Variants in ELFN2 observed in about 807,000 individuals in gnomAD.
The protein encoded by ELFN2 is extracellular leucine rich repeat and fibronectin type III domain containing 2, also known as protein phosphatase 1 regulatory subunit 29.
A neutral mutation model predicts 45.5 loss-of-function variants in ELFN2; 17 were observed. The observed-to-expected ratio is 0.37, with a 90% confidence interval of 0.26 to 0.56. The LOEUF (loss-of-function observed/expected upper bound fraction) is 0.56. Among genes scored for constraint, ELFN2 ranks in the 20% least tolerant of loss-of-function variants. The pLI is 0.77. For synonymous variants in ELFN2, 550 were observed against 551.5 expected (o/e 1.00, Z 0.04); for missense variants, 922 against 1,183.2 (o/e 0.78, Z 3.24).
exon 2 of ELFN2, chr22:37,342,604 G>A (rs993398561): frequency 1.6e-5 from 2 of 123,432 alleles, no homozygotes; most frequent in African/African-American, 7.3e-5. Flanking sequence ...TTTCCACCTT[G>A]TTCTTCTGGA....
chr22:37,404,695 C>G (rs959163173), intron 2 of ELFN2, among the ~76,000 whole-genome samples: 2 of 152,098 alleles, frequency 1.3e-5, no homozygotes, highest in Non-Finnish European at 1.5e-5. Flanking sequence ...CCGACAGCAG[C>G]GGCTGACACC....
In ELFN2 at chr22:37,417,615, AG is replaced by A. The variant is rs1230758510; in HGVS notation, c.-463+153del. Among the ~76,000 whole-genome samples, 1 of 151,126 alleles carries A rather than the reference AG, an allele frequency of 6.6e-6. No individual in the cohort carries two copies. Among genetic ancestry groups the A allele is most frequent in the East Asian group, 2.0e-4 (1 of 5,058 alleles). ...CCCTGTGGAAGGAAAGCTGGGTGGG[AG>A]GGGTGCCCACGGCTGGGGGCAGGGG... is the stretch of plus-strand genomic sequence containing the variant. On this transcript the variant is annotated intron_variant, in intron 2 of 2. Coordinates refer to ENST00000402918, the MANE Select transcript of ELFN2 (RefSeq NM_052906.5). This position sits in a 1 kb window ranked among gnomAD's most constrained non-coding sequence, Gnocchi z 4.5.
Position 37,373,272 on chromosome 22 carries a change from A to G in ELFN2, c.2263T>C (p.Tyr755His). 1 of 1,613,706 alleles carries G rather than the reference A, an allele frequency of 6.2e-7. No homozygotes were observed. Among genetic ancestry groups the G allele is most frequent in the Non-Finnish European group, 8.5e-7 (1 of 1,179,950 alleles). ...QLSPRHYYSG[Y>H]SSSPEYSSES... The stretch of plus-strand genomic sequence containing the variant: ...GATGAGTACTCGGGGCTGGAGGAGT[A>G]CCCTGAGTAGTAGTGTCTGGGGGAG... Residue 755 changes from tyrosine (Y) to histidine (H), a missense_variant, in exon 3 of 3, where the codon TAC becomes CAC. By Grantham distance (83) the Tyr-to-His change is moderately conservative. Around this residue, in one of 2 missense-constraint regions of ELFN2, gnomAD observed 564 missense variants for 642.8 expected, o/e 0.88. Transcript: ENST00000402918.
In ELFN2 at chr22:37,352,901, C is replaced by G. The variant is rs572007709; in HGVS notation, n.149-10198G>C. On this transcript the variant is annotated intron_variant and non_coding_transcript_variant, in intron 1 of 2. Transcript: ENST00000452946. ...CTACTTCTGGCTGCTGGGCACAGGT[C>G]GGGGTGGAGGATGGCCAGAGCTGAA... 6.6e-5 allele frequency among the ~76,000 whole-genome samples: 10 copies of G among 150,940 alleles called. 1 individual carries two copies. Among genetic ancestry groups the G allele is most frequent in the Middle Eastern group, 3.4e-3 (1 of 294 alleles).
intron 2 of ELFN2, among the ~76,000 whole-genome samples, chr22:37,380,114 A>G (rs1471864064): frequency 6.6e-6 from 1 of 152,156 alleles, no homozygotes; most frequent in African/African-American, 2.4e-5. Flanking sequence ...CTGACTCCCA[A>G]GCTTCCCTGT....
intron 2 of ELFN2, among the ~76,000 whole-genome samples, chr22:37,412,961 T>G (rs973013289): frequency 6.6e-6 from 1 of 152,120 alleles, no homozygotes; most frequent in Admixed American, 6.5e-5. Flanking sequence ...CTTGACACAG[T>G]GTGGGCGGGG....
chr22:37,402,547 A>T (rs1932389268), intron 2 of ELFN2, among the ~76,000 whole-genome samples: 1 of 152,152 alleles, frequency 6.6e-6, no homozygotes, highest in African/African-American at 2.4e-5. Flanking sequence ...GCTGACCGAT[A>T]AGGAAACCGA....
chr22:37,394,591 C>A lies in ELFN2; in HGVS notation c.-462-18595G>T, dbSNP rs568454066. On this transcript the variant is annotated intron_variant, in intron 2 of 2. Transcript: ENST00000402918. Reference sequence around the variant, plus strand: ...GTGGCCAGCACCGTGAGTCCTCCCCCGCAGCTCCCGCCCCGGCACACAGTA... The same window carrying A: ...GTGGCCAGCACCGTGAGTCCTCCCCAGCAGCTCCCGCCCCGGCACACAGTA... Among the ~76,000 whole-genome samples the A allele has an allele frequency of 2.0e-5, 3 of 152,230 alleles. No individual in the cohort carries two copies. The East Asian group carries it at 5.8e-4, about 29-fold the overall frequency.
In ELFN2 at chr22:37,403,452, C is replaced by CA. The variant is rs774059652; in HGVS notation, c.-463+14316_-463+14317insT. Among the ~76,000 whole-genome samples the CA allele has an allele frequency of 1.4e-3, 211 of 152,252 alleles. 5 individuals carry two copies. The highest frequency in any genetic ancestry group is 1.1e-3 in the Non-Finnish European group (75 of 68,022). ...GGGATGGGCCGAGAGAAGACTGGAT[C>CA]CTGGTCTGGGTCCCGGTTGCCTGGG... On this transcript the variant is annotated intron_variant, in intron 2 of 2. Transcript: ENST00000402918.
In ELFN2 at chr22:37,375,424, G is replaced by A; in HGVS notation, c.111C>T (p.Ala37=). 1.1e-5 allele frequency: 17 copies of A among 1,614,044 alleles called. No homozygotes were observed. Among genetic ancestry groups the A allele is most frequent in the Non-Finnish European group, 1.4e-5 (17 of 1,179,984 alleles). ...IEGDKGYVWL[A]ICSQNQPPYE... ...AGGGCGGCTGGTTCTGGCTGCAGATGGCCAGCCACACGTAGCCCTTGTCGC... is the reference window on the plus strand; with the variant it reads ...AGGGCGGCTGGTTCTGGCTGCAGATAGCCAGCCACACGTAGCCCTTGTCGC... The change falls in exon 3 of 3, where the codon GCC becomes GCT. Residue 37 remains alanine (A), a synonymous_variant. Coordinates refer to ENST00000402918, the MANE Select transcript of ELFN2 (RefSeq NM_052906.5).
chr22:37,349,201 G>C (rs749037476), intron 1 of ELFN2, among the ~76,000 whole-genome samples: 1 of 151,186 alleles, frequency 6.6e-6, no homozygotes, highest in Non-Finnish European at 1.5e-5. Context: ...TCCCAGCCCC[G>C]CCACTTAGCT....
intron 1 of ELFN2, among the ~76,000 whole-genome samples, chr22:37,421,247 A>G (rs1489298459): frequency 6.6e-6 from 1 of 152,180 alleles, no homozygotes; most frequent in East Asian, 1.9e-4. Context: ...CGGTCACTCC[A>G]TATGGCATGC....
rs753670631 is a variant in ELFN2 at position 37,373,576 on chromosome 22, G to A, written c.1959C>T (p.Ala653=). The change falls in exon 3 of 3, where the codon GCC becomes GCT. Residue 653 remains alanine, a synonymous_variant. Coordinates refer to ENST00000402918, the MANE Select transcript of ELFN2 (RefSeq NM_052906.5). ...FSLDVPDHPA[A]TGLAKGDSKY... The stretch of plus-strand genomic sequence containing the variant: ...TGGAGTCGCCCTTAGCCAGCCCTGT[G>A]GCGGCCGGATGGTCGGGCACGTCCA... 1.2e-6 allele frequency: 2 copies of A among 1,605,452 alleles called. No individual in the cohort carries two copies. Among genetic ancestry groups the A allele is most frequent in the East Asian group, 4.5e-5 (2 of 44,590 alleles).
intron 2 of ELFN2, among the ~76,000 whole-genome samples, chr22:37,402,256 T>A (rs1421713710): frequency 1.3e-5 from 2 of 152,192 alleles, no homozygotes; most frequent in African/African-American, 4.8e-5. Context: ...GGTTAATCCA[T>A]TTGTAGAGTT....
At chr22:37,385,712 C>T (rs1931929675) in intron 2 of ELFN2, among the ~76,000 whole-genome samples, 1 of 152,154 alleles carries the variant, frequency 6.6e-6, no homozygotes, top group Non-Finnish European at 1.5e-5. Context: ...CAGCCTGGGA[C>T]CCAAGGGTGC....
Position 37,374,848 on chromosome 22 carries a change from G to A in ELFN2, c.687C>T (p.Pro229=). The change falls in exon 3 of 3, where the codon CCC becomes CCT. Residue 229 remains proline, a synonymous_variant. Coordinates refer to ENST00000402918, the MANE Select transcript of ELFN2 (RefSeq NM_052906.5). ...REFAGYPLLV[P]RPYHSLNAIT... is the part of the protein sequence containing the mutation. The stretch of plus-strand genomic sequence containing the variant: ...TGGCGTTGAGGCTGTGGTAGGGCCG[G>A]GGCACCAGCAGCGGGTAGCCGGCAA... 1 of 1,607,890 alleles carries A rather than the reference G, an allele frequency of 6.2e-7. No individual in the cohort carries two copies. Among genetic ancestry groups the A allele is most frequent in the Non-Finnish European group, 8.5e-7 (1 of 1,179,812 alleles).
downstream of ELFN2, among the ~76,000 whole-genome samples, chr22:37,363,159 T>C (rs2145623473): frequency 6.6e-6 from 1 of 152,336 alleles, no homozygotes; most frequent in African/African-American, 2.4e-5. Context: ...GCAGCCCTCC[T>C]GACAATTCCA....
At chr22:37,415,199 G>A (rs1932744514) in intron 2 of ELFN2, among the ~76,000 whole-genome samples, 1 of 152,058 alleles carries the variant, frequency 6.6e-6, no homozygotes, top group African/African-American at 2.4e-5. Flanking sequence ...TCCCTTGCCT[G>A]TCCTGTCCCC....
At chr22:37,404,687 G>A (rs1191345512) in intron 2 of ELFN2, among the ~76,000 whole-genome samples, 2 of 152,144 alleles carry the variant, frequency 1.3e-5, no homozygotes, top group Admixed American at 6.5e-5. Context: ...ATGCTGGCCC[G>A]ACAGCAGCGG....
Sources: allele counts gnomAD v4.1 joint callset (sites outside exome capture counted in the v4.1 genomes callset), GRCh38; gene constraint gnomAD v4.1.1; regional missense constraint gnomAD v4.1.1; non-coding constraint Gnocchi (gnomAD v3.1); transcripts MANE v1.5; gene names NCBI Gene and HGNC (gene_info 2026-07-23, HGNC 2026-07-21).